Variants in LURAP1L observed in about 807,000 individuals in gnomAD.
LURAP1L encodes the protein leucine rich adaptor protein 1 like.
A neutral mutation model predicts 13.8 loss-of-function variants in LURAP1L; 12 were observed. That is an observed-to-expected ratio of 0.87 (90% CI 0.56 to 1.41). LURAP1L has a LOEUF of 1.41. Among genes scored for constraint, LURAP1L ranks in the 40% most tolerant of loss-of-function variants. The pLI, the probability that LURAP1L is intolerant of heterozygous loss-of-function variation, is 0.00. For missense variants in LURAP1L, 375 were observed against 292.9 expected, an observed-to-expected ratio of 1.28 and a Z score of -2.04; for synonymous variants, 139 against 119.2, an observed-to-expected ratio of 1.17 and a Z score of -1.08.
Position 12,822,070 on chromosome 9 carries a change from T to A in LURAP1L, c.*310T>A. The A allele has an allele frequency of 4.2e-6, 1 of 240,942 alleles. No homozygotes were observed. Among genetic ancestry groups the A allele is most frequent in the Non-Finnish European group, 8.0e-6 (1 of 124,404 alleles). 14.9% of individuals were successfully genotyped at this position (240,942 alleles called of 1,614,324 possible). A position where few individuals can be genotyped will look rare whatever the true frequency, so the allele number is the denominator to read the frequency against. ...TTGCTTTTGTTTTCAGAGCAATGGG[T>A]CAGGGATTACAAGAAAAACTTTGCT... On this transcript the variant is annotated 3_prime_UTR_variant, in exon 2 of 2. Transcript: ENST00000319264.
At chr9:12,821,108 C>A (rs751382209) in intron 1 of LURAP1L, among the ~76,000 whole-genome samples, 7 of 152,090 alleles carry the variant, frequency 4.6e-5, no homozygotes, top group Non-Finnish European at 8.8e-5. Flanking sequence ...ACCTGCCATT[C>A]AGTATGATAT....
At chr9:12,787,509 G>C (rs1460325340) in intron 1 of LURAP1L, among the ~76,000 whole-genome samples, 1 of 152,106 alleles carries the variant, frequency 6.6e-6, no homozygotes, top group Non-Finnish European at 1.5e-5. Context: ...AAACAGGCAA[G>C]AGCATCATAG....
chr9:12,783,420 C>G (rs1819302695), intron 1 of LURAP1L, among the ~76,000 whole-genome samples: 1 of 152,020 alleles, frequency 6.6e-6, no homozygotes, highest in Admixed American at 6.6e-5. Flanking sequence ...AAAGAGATGC[C>G]AAATTTTATC....
chr9:12,808,468 CT>C (rs529721592), intron 1 of LURAP1L, among the ~76,000 whole-genome samples: 30 of 152,074 alleles, frequency 2.0e-4, no homozygotes, highest in Middle Eastern at 3.2e-3. Context: ...TTTTCCCAAA[CT>C]TCTTCACTTT....
chr9:12,804,976 G>C (rs1019208247), intron 1 of LURAP1L, among the ~76,000 whole-genome samples: 3 of 151,970 alleles, frequency 2.0e-5, no homozygotes, highest in Non-Finnish European at 4.4e-5. Context: ...TAAGCCATAA[G>C]TTGTAACCAA....
intron 1 of LURAP1L, chr9:12,777,246 C>G (rs1190966358): frequency 4.1e-6 from 4 of 985,040 alleles, no homozygotes; most frequent in Non-Finnish European, 4.8e-6. Flanking sequence ...AATGGAGAAG[C>G]TGGAAAGTGG....
chr9:12,811,787 G>T (rs946345088), intron 1 of LURAP1L, among the ~76,000 whole-genome samples: 4 of 152,292 alleles, frequency 2.6e-5, no homozygotes, highest in South Asian at 2.1e-4. Context: ...CAGCAAACAT[G>T]TATTATCTCA....
rs1040223082 is a variant in LURAP1L at position 12,822,412 on chromosome 9, C to A, written c.*652C>A. Among the ~76,000 whole-genome samples the A allele has an allele frequency of 1.3e-5, 2 of 152,160 alleles. No homozygotes were observed. The highest frequency in any genetic ancestry group is 3.2e-3 in the Middle Eastern group (1 of 316). ...TGTCATCAGTGATTCTAACTCAAAT[C>A]ATATGTTTATTTGTGTAATAAAATG... On this transcript the variant is annotated 3_prime_UTR_variant, in exon 2 of 2. Transcript: ENST00000319264.
At position 12,775,856 on chromosome 9, in the gene LURAP1L, T is replaced by G. The variant is rs572021640; in HGVS notation, c.141T>G (p.Gly47=). 4 of 1,007,834 alleles carry G rather than the reference T, an allele frequency of 4.0e-6. No homozygotes were observed. The highest frequency in any genetic ancestry group is 5.6e-6 in the Non-Finnish European group (4 of 710,714). 62.4% of individuals were successfully genotyped at this position (1,007,834 alleles called of 1,614,324 possible). The change falls in exon 1 of 2, where the codon GGT becomes GGG. Residue 47 remains glycine (G), a synonymous_variant. Coordinates refer to ENST00000319264, the MANE Select transcript of LURAP1L (RefSeq NM_203403.2). ...ACAGGGACCCCTGCGGGGGGAGCGG[T>G]GGTGGTGGCGGCGGCGGCGGCGGCT... ...ERDRDPCGGS[G]GGGGGGGGCS...
intron 1 of LURAP1L, among the ~76,000 whole-genome samples, chr9:12,796,237 C>T (rs879469543): frequency 1.3e-5 from 2 of 151,754 alleles, no homozygotes; most frequent in Admixed American, 6.6e-5. Flanking sequence ...ACGTAATGTA[C>T]ACTCCTGATA....
At chr9:12,791,367 C>A (rs970042658) in intron 1 of LURAP1L, among the ~76,000 whole-genome samples, 4 of 151,970 alleles carry the variant, frequency 2.6e-5, no homozygotes, top group East Asian at 1.9e-4. Flanking sequence ...CTACGTGAAC[C>A]TTTTAAATAC....
intron 1 of LURAP1L, among the ~76,000 whole-genome samples, chr9:12,778,482 A>C (rs994461117): frequency 6.6e-6 from 1 of 152,214 alleles, no homozygotes; most frequent in Non-Finnish European, 1.5e-5. Context: ...CAAAAACAGT[A>C]AGGATGCTGG....
intron 1 of LURAP1L, among the ~76,000 whole-genome samples, chr9:12,785,226 G>T (rs1819333132): frequency 6.6e-6 from 1 of 152,060 alleles, no homozygotes; most frequent in Non-Finnish European, 1.5e-5. Context: ...TATGGCTGAG[G>T]TAGTATTTAA....
At chr9:12,776,739 C>T (rs3750504) in intron 1 of LURAP1L, among the ~76,000 whole-genome samples, 1 of 151,988 alleles carries the variant, frequency 6.6e-6, no homozygotes, top group Admixed American at 6.6e-5. Context: ...CACCCTTCTC[C>T]CTCAAGTCTC....
intron 1 of LURAP1L, among the ~76,000 whole-genome samples, chr9:12,792,124 A>G (rs1819448690): frequency 1.3e-5 from 2 of 152,150 alleles, no homozygotes; most frequent in East Asian, 3.9e-4. Context: ...TCATCTTTTC[A>G]GCCAGAGCTT....
chr9:12,789,090 C>CA (rs60051757), intron 1 of LURAP1L, among the ~76,000 whole-genome samples: 31,993 of 136,734 alleles, frequency 0.23, 4,650 homozygotes, highest in African/African-American at 0.41. Flanking sequence ...AGCACCCCCC[C>CA]AAAAAAAAAA....
chr9:12,813,119 C>G (rs1435882281), intron 1 of LURAP1L, among the ~76,000 whole-genome samples: 2 of 152,062 alleles, frequency 1.3e-5, no homozygotes, highest in Non-Finnish European at 2.9e-5. Flanking sequence ...TTAAGTAAAG[C>G]CTTCATTCCG....
intron 1 of LURAP1L, among the ~76,000 whole-genome samples, chr9:12,805,023 T>C (rs999621497): frequency 4.6e-5 from 7 of 152,052 alleles, no homozygotes; most frequent in Non-Finnish European, 1.0e-4. Context: ...AGAAAAGAAA[T>C]ATAAATTAAA....
intron 1 of LURAP1L, among the ~76,000 whole-genome samples, chr9:12,813,106 C>T (rs1819759962): frequency 6.6e-6 from 1 of 152,078 alleles, no homozygotes; most frequent in Non-Finnish European, 1.5e-5. Flanking sequence ...AAAATGCAAT[C>T]AATTAAGTAA....
Sources: gnomAD v4.1 joint callset for allele counts (sites outside exome capture counted in the v4.1 genomes callset) on GRCh38, gnomAD v4.1.1 for gene constraint, MANE v1.5 for transcripts, NCBI Gene and HGNC (gene_info 2026-07-23, HGNC 2026-07-21) for gene names.